The following ANO3 variants were observed in gnomAD, a reference collection of about 807,000 sequenced individuals.
ANO3 encodes anoctamin 3.
In ANO3, 99 loss-of-function variants were observed where a neutral mutation model predicts 144.8. The observed-to-expected ratio is 0.68, with a 90% CI of 0.58 to 0.81. The LOEUF is 0.81. Ranked by LOEUF, ANO3 falls within the 30% of genes least tolerant of loss-of-function variation. The pLI is 0.00. For missense variants in ANO3, 905 were observed against 1,202.2 expected, an observed-to-expected ratio of 0.75 and a Z score of 3.66; for synonymous variants, 414 against 392.6, an observed-to-expected ratio of 1.05 and a Z score of -0.64.
At chr11:26,349,145 G>A (rs1490570000) in intron 1 of ANO3, among the ~76,000 whole-genome samples, 1 of 152,162 alleles carries the variant, frequency 6.6e-6, no homozygotes, top group Admixed American at 6.5e-5. Flanking sequence ...TTACACACTA[G>A]TAATTGATCG....
At chr11:26,423,832 C>A (rs1857832551) in intron 1 of ANO3, among the ~76,000 whole-genome samples, 1 of 151,912 alleles carries the variant, frequency 6.6e-6, no homozygotes. Context: ...GTGGAGCATA[C>A]TGAAAAGGTT....
chr11:26,215,105 G>T (rs1449281809), intron 1 of ANO3, among the ~76,000 whole-genome samples: 1 of 151,794 alleles, frequency 6.6e-6, no homozygotes, highest in Non-Finnish European at 1.5e-5. Context: ...TGAATGAGGT[G>T]GTGTTTGTCA....
At chr11:26,450,438 C>A (rs1368432883) in intron 3 of ANO3, among the ~76,000 whole-genome samples, 2 of 152,144 alleles carry the variant, frequency 1.3e-5, no homozygotes, top group Non-Finnish European at 2.9e-5. Context: ...AACAAAGGAA[C>A]CCCAAAGAAT....
At chr11:26,306,287 C>T (rs1472832514), upstream of ANO3, among the ~76,000 whole-genome samples, 1 of 152,044 alleles carries the variant, frequency 6.6e-6, no homozygotes, top group African/African-American at 2.4e-5. Context: ...TCTTCCTATT[C>T]TTGTCTTTCA....
intron 14 of ANO3, among the ~76,000 whole-genome samples, chr11:26,579,856 C>T (rs1254864414): frequency 6.6e-6 from 1 of 151,928 alleles, no homozygotes; most frequent in Non-Finnish European, 1.5e-5. Context: ...AGCATTATTA[C>T]CAGTAAAAGA....
chr11:26,539,543 C>T (rs1405216139), intron 10 of ANO3, among the ~76,000 whole-genome samples: 3 of 152,262 alleles, frequency 2.0e-5, no homozygotes, highest in Non-Finnish European at 2.9e-5. Flanking sequence ...TGGGCCTGCA[C>T]TTAAATGGTA....
chr11:26,548,451 T>C lies in ANO3; in HGVS notation c.1289+901T>C, dbSNP rs145016645. 2.0e-3 allele frequency among the ~76,000 whole-genome samples: 298 copies of C among 152,074 alleles called. 2 individuals carry two copies. The highest frequency in any genetic ancestry group is 6.8e-3 in the African/African-American group (281 of 41,520). On this transcript the variant is annotated intron_variant, in intron 12 of 26. Transcript: ENST00000256737. ...CTTTCTTTCAAAGCTCAATGCTTTC[T>C]TCTCTTTTGGTCCATTTTTTAACCA... is the stretch of plus-strand genomic sequence containing the variant.
chr11:26,465,766 A>G (rs1397516647), intron 4 of ANO3, among the ~76,000 whole-genome samples: 2 of 152,076 alleles, frequency 1.3e-5, no homozygotes, highest in South Asian at 2.1e-4. Context: ...AATAGACTGT[A>G]TATGTGTTTA....
intron 1 of ANO3, among the ~76,000 whole-genome samples, chr11:26,415,074 G>GTGTA (rs1208511662): frequency 6.7e-6 from 1 of 149,996 alleles, no homozygotes; most frequent in African/African-American, 2.4e-5. Context: ...GTGTGTGTGT[G>GTGTA]TGTGTGTGTG....
chr11:26,565,846 C>CCAACATTGGCCAAT, intron 14 of ANO3: 1 of 1,612,286 alleles, frequency 6.2e-7, no homozygotes, highest in Non-Finnish European at 8.5e-7. Flanking sequence ...AGAATTTTGG[C>CCAACATTGGCCAAT]TAAGGCCAAC....
intron 1 of ANO3, among the ~76,000 whole-genome samples, chr11:26,248,645 T>G (rs1175177170): frequency 1.3e-5 from 2 of 152,240 alleles, no homozygotes; most frequent in Non-Finnish European, 2.9e-5. Flanking sequence ...TGCAGATGTT[T>G]ATTCAGACAC....
chr11:26,544,440 G>A (rs1249179929), intron 11 of ANO3, among the ~76,000 whole-genome samples: 2 of 150,972 alleles, frequency 1.3e-5, no homozygotes, highest in Middle Eastern at 3.4e-3. Context: ...TAGGGGTGGA[G>A]AGGAGGCAGA....
At chr11:26,620,303 GC>G (rs1852377764) in intron 17 of ANO3, among the ~76,000 whole-genome samples, 1 of 152,098 alleles carries the variant, frequency 6.6e-6, no homozygotes, top group Non-Finnish European at 1.5e-5. Context: ...CATGACAGCT[GC>G]CTGGTCTCAT....
intron 14 of ANO3, among the ~76,000 whole-genome samples, chr11:26,567,328 A>C (rs1009477024): frequency 2.0e-5 from 3 of 151,938 alleles, no homozygotes; most frequent in Non-Finnish European, 4.4e-5. Flanking sequence ...GAAAGCCTCC[A>C]TGCTGACTGA....
chr11:26,626,863 T>G (rs1389454), intron 18 of ANO3, among the ~76,000 whole-genome samples: 25,260 of 152,106 alleles, frequency 0.17, 2,378 homozygotes, highest in African/African-American at 0.26. Flanking sequence ...CCAAGTATTC[T>G]CCTGAATGTT....
Position 26,612,909 on chromosome 11 carries a change from C to G in ANO3, c.1837-11553C>G, listed in dbSNP as rs577626763. On this transcript the variant is annotated intron_variant, in intron 17 of 26. Transcript: ENST00000256737. ...TTTATATATAACTTGAAAGTTTTTT[C>G]TTGCAGATTTTGGAATCTTCTCTTT... Among the ~76,000 whole-genome samples, 53 of 151,962 alleles carry G rather than the reference C, an allele frequency of 3.5e-4. 1 individual carries two copies. The South Asian group carries it at 9.1e-3, about 26-fold the overall frequency.
At chr11:26,561,238 CAAAAT>C in intron 14 of ANO3, 1 of 1,589,658 alleles carries the variant, frequency 6.3e-7, no homozygotes, top group East Asian at 2.3e-5. Context: ...AAAAAAGTAA[CAAAAT>C]AATACTGTTT....
At chr11:26,248,189 T>C (rs1178776589) in intron 1 of ANO3, among the ~76,000 whole-genome samples, 1 of 151,890 alleles carries the variant, frequency 6.6e-6, no homozygotes, top group Non-Finnish European at 1.5e-5. Context: ...AATACAAAAA[T>C]TAACCAGGTG....
At chr11:26,585,331 C>G (rs1370531540) in intron 14 of ANO3, among the ~76,000 whole-genome samples, 6 of 152,012 alleles carry the variant, frequency 3.9e-5, no homozygotes, top group Non-Finnish European at 5.9e-5. Context: ...AGTCTACCTA[C>G]CTATATATAT....
Sources: gnomAD v4.1 joint callset for allele counts (sites outside exome capture counted in the v4.1 genomes callset) on GRCh38, gnomAD v4.1.1 for gene constraint, MANE v1.5 for transcripts, NCBI Gene and HGNC (gene_info 2026-07-23, HGNC 2026-07-21) for gene names.